Variants in ZFP57 observed in about 807,000 individuals in gnomAD.
The protein encoded by ZFP57 is zinc finger protein 57 homolog.
ZFP57 carries 12 observed loss-of-function variants against 15.8 expected under a neutral mutation model. That is an observed-to-expected ratio of 0.76 (90% CI 0.49 to 1.23). The LOEUF is 1.23. Among genes scored for constraint, ZFP57 ranks in the 50% most tolerant of loss-of-function variants. ZFP57 has a pLI of 0.00. For missense variants in ZFP57, 536 were observed against 654.9 expected (o/e 0.82, Z 1.98); for synonymous variants, 203 against 242.3 (o/e 0.84, Z 1.51).
At chr6:29,676,276 G>A (rs1041140058) in intron 2 of ZFP57, among the ~76,000 whole-genome samples, 2 of 152,110 alleles carry the variant, frequency 1.3e-5, no homozygotes, top group Non-Finnish European at 2.9e-5. Context: ...GGTGGCTCAC[G>A]CCTGTAATCC....
intron 1 of ZFP57, among the ~76,000 whole-genome samples, chr6:29,678,209 A>G (rs1772171649): frequency 6.6e-6 from 1 of 152,270 alleles, no homozygotes; most frequent in Admixed American, 6.5e-5. Context: ...GTCTCAAAAA[A>G]AAATCCAGAG....
chr6:29,672,650 A>T lies in ZFP57; in HGVS notation c.1461T>A (p.His487Gln), dbSNP rs1206154386. ...CCTCCCCAGCCATAGTGGGGACATC[A>T]TGAGAGAAGCCAAGCCACTGGCCCA... ...VILGQWLGFS[H>Q]DVPTMAGEEW... Residue 487 changes from histidine to glutamine, a missense_variant, in exon 5 of 5, where the codon CAT becomes CAA. By Grantham distance (24) the His-to-Gln change is conservative. Transcript: ENST00000376883. The T allele has an allele frequency of 6.2e-7, 1 of 1,611,372 alleles. No individual in the cohort carries two copies. The highest frequency in any genetic ancestry group is 8.5e-7 in the Non-Finnish European group (1 of 1,178,628).
chr6:29,676,342 C>T (rs1015828563), intron 2 of ZFP57, among the ~76,000 whole-genome samples: 1 of 151,894 alleles, frequency 6.6e-6, no homozygotes, highest in Non-Finnish European at 1.5e-5. Context: ...TCGAGACCAG[C>T]CTGACCAATA....
chr6:29,678,861 C>G (rs527912504), intron 1 of ZFP57, among the ~76,000 whole-genome samples: 1 of 152,092 alleles, frequency 6.6e-6, no homozygotes, highest in Non-Finnish European at 1.5e-5. Flanking sequence ...GGTGAAACCC[C>G]GTCTCTACTG....
At chr6:29,680,347 T>C (rs1772281733) in intron 1 of ZFP57, among the ~76,000 whole-genome samples, 1 of 152,090 alleles carries the variant, frequency 6.6e-6, no homozygotes, top group African/African-American at 2.4e-5. Flanking sequence ...TCCACAGCAA[T>C]TCTGAGAATG....
chr6:29,678,530 T>G (rs1772183594), intron 1 of ZFP57, among the ~76,000 whole-genome samples: 1 of 152,332 alleles, frequency 6.6e-6, no homozygotes, highest in Middle Eastern at 3.4e-3. Flanking sequence ...GTAAAAATTC[T>G]TGTCTTAAGG....
chr6:29,674,025 C>T (rs1232879035), intron 4 of ZFP57, among the ~76,000 whole-genome samples: 2 of 150,534 alleles, frequency 1.3e-5, no homozygotes, highest in African/African-American at 4.9e-5. Context: ...ACCCGGGAGG[C>T]GGAGGTTGCA....
chr6:29,679,617 C>T (rs1416731237), intron 1 of ZFP57, among the ~76,000 whole-genome samples: 1 of 152,180 alleles, frequency 6.6e-6, no homozygotes, highest in Non-Finnish European at 1.5e-5. Flanking sequence ...AGGCTGGGCA[C>T]GGTGGCTCAG....
intron 4 of ZFP57, 104 bp downstream of exon 4, chr6:29,675,282 C>T: frequency 1.1e-6 from 1 of 869,950 alleles, no homozygotes; most frequent in East Asian, 2.5e-5. Context: ...CAGAGGTACA[C>T]TAGGAGAGCA....
intron 1 of ZFP57, among the ~76,000 whole-genome samples, chr6:29,680,637 AC>A (rs1275030287): frequency 6.6e-6 from 1 of 151,886 alleles, no homozygotes; most frequent in Non-Finnish European, 1.5e-5. Context: ...CAGATCCGGA[AC>A]CCCAGCCTCG....
At chr6:29,680,758 G>A (rs141767002) in intron 1 of ZFP57, among the ~76,000 whole-genome samples, 1 of 152,296 alleles carries the variant, frequency 6.6e-6, no homozygotes, top group Admixed American at 6.5e-5. Flanking sequence ...CGGTCCCATT[G>A]GTTGGGACTA....
At chr6:29,672,422 C>T, downstream of ZFP57, 20 of 1,551,112 alleles carry the variant, frequency 1.3e-5, no homozygotes, top group Non-Finnish European at 1.7e-5. Context: ...CTGTCTCCCT[C>T]TACTCCAGCC....
intron 4 of ZFP57, among the ~76,000 whole-genome samples, chr6:29,674,328 C>T (rs544994310): frequency 6.6e-6 from 1 of 152,306 alleles, no homozygotes; most frequent in Admixed American, 6.5e-5. Flanking sequence ...TCCCACCCAA[C>T]ACATTCATCC....
Position 29,675,173 on chromosome 6 carries a change from A to AAGAGAGAG in ZFP57, c.352+205_352+212dup, listed in dbSNP as rs9278233. Among the ~76,000 whole-genome samples, 965 of 104,852 alleles carry AAGAGAGAG rather than the reference A, an allele frequency of 9.2e-3. 14 individuals carry two copies. Among genetic ancestry groups the AAGAGAGAG allele is most frequent in the Middle Eastern group, 0.016 (3 of 186 alleles). 68.8% of individuals were successfully genotyped at this position (104,852 alleles called of 152,430 possible). A position where few individuals can be genotyped will look rare whatever the true frequency, so the allele number is the denominator to read the frequency against. On this transcript the variant is annotated intron_variant, in intron 4 of 4. Coordinates refer to ENST00000376883, the MANE Select transcript of ZFP57 (RefSeq NM_001109809.5). ...TCTCAAAAAAAAAAAAAAAAAAAAA[A>AAGAGAGAG]AGAGAGAGAGAGAGAGACTTGGATC...
At chr6:29,677,768 T>TATACACAC (rs1554213261) in intron 1 of ZFP57, among the ~76,000 whole-genome samples, 6 of 149,516 alleles carry the variant, frequency 4.0e-5, no homozygotes, top group African/African-American at 4.9e-5. Flanking sequence ...ACCAAAATTA[T>TATACACAC]ACACACACAC....
In ZFP57 at chr6:29,672,853, A is replaced by C; in HGVS notation, c.1258T>G (p.Ser420Ala). ...PPNYCFHCSK[S>A]FSSFSRLVRH... ...ACCAGCCTGGAAAATGAGCTGAAAG[A>C]CTTGCTGCAATGGAAGCAGTAGTTG... Residue 420 changes from serine (S) to alanine (A), a missense_variant, in exon 5 of 5, where the codon TCT becomes GCT. Ser to Ala is a moderately conservative substitution (Grantham distance 99). Coordinates refer to ENST00000376883, the MANE Select transcript of ZFP57 (RefSeq NM_001109809.5). The C allele has an allele frequency of 2.5e-6, 4 of 1,613,046 alleles. No homozygotes were observed. Among genetic ancestry groups the C allele is most frequent in the Non-Finnish European group, 3.4e-6 (4 of 1,180,032 alleles).
In ZFP57 at chr6:29,675,412, T is replaced by C. The variant is rs1772019660; in HGVS notation, c.326A>G (p.His109Arg). ...QEEEQWREFVHLPNTEGLSEG... is the reference protein window; with the variant it reads ...QEEEQWREFVRLPNTEGLSEG... ...TGAAAGGCCTTCTGTGTTTGGGAGA[T>C]GGACAAACTCTCTCCACTGTTCCTC... Residue 109 changes from histidine (H) to arginine (R), a missense_variant, in exon 4 of 5, where the codon CAT (histidine) becomes CGT (arginine). By Grantham distance (29) the His-to-Arg change is conservative. Transcript: ENST00000376883. 6.8e-6 allele frequency: 11 copies of C among 1,614,080 alleles called. No individual in the cohort carries two copies. The highest frequency in any genetic ancestry group is 9.3e-6 in the Non-Finnish European group (11 of 1,179,992).
Position 29,678,529 on chromosome 6 carries a change from C to A in ZFP57, c.-363-1163G>T, listed in dbSNP as rs922392640. 2.0e-5 allele frequency among the ~76,000 whole-genome samples: 3 copies of A among 152,092 alleles called. No individual in the cohort carries two copies. In the East Asian group the frequency reaches 5.8e-4, roughly 29 times the overall value. On this transcript the variant is annotated intron_variant, in intron 1 of 4. Transcript: ENST00000376883. ...GCCATAAAATAAAAAGGTAAAAATT[C>A]TTGTCTTAAGGAAAGAAAAAATAAT...
chr6:29,675,762 A>G (rs568054786), intron 3 of ZFP57, among the ~76,000 whole-genome samples, 171 bp downstream of exon 3: 1 of 152,182 alleles, frequency 6.6e-6, no homozygotes, highest in Non-Finnish European at 1.5e-5. Flanking sequence ...CATGCAGGCT[A>G]TCATTTCTTC....
Sources: allele counts gnomAD v4.1 joint callset (sites outside exome capture counted in the v4.1 genomes callset), GRCh38; gene constraint gnomAD v4.1.1; transcripts MANE v1.5; gene names NCBI Gene and HGNC (gene_info 2026-07-23, HGNC 2026-07-21).